Variants in EFCAB7 observed in about 807,000 individuals in gnomAD.
EFCAB7 encodes the protein EF-hand calcium binding domain 7.
In EFCAB7, 66 loss-of-function variants were observed where a neutral mutation model predicts 77.1. That is an observed-to-expected ratio of 0.86 (90% CI 0.70 to 1.05). The LOEUF (loss-of-function observed/expected upper bound fraction) is 1.05. Among genes scored for constraint, EFCAB7 ranks in the 50% least tolerant of loss-of-function variants. The pLI is 0.00. For synonymous variants in EFCAB7, 225 were observed against 243.3 expected (o/e 0.92, Z 0.70); for missense variants, 638 against 730.5 (o/e 0.87, Z 1.46).
At chr1:63,571,265 C>A in intron 13 of EFCAB7, 137 bp downstream of exon 13, 1 of 609,512 alleles carries the variant, frequency 1.6e-6, no homozygotes, top group Non-Finnish European at 2.9e-6. Flanking sequence ...CAGTATCATT[C>A]TATACTCAGA....
rs545193913 is a variant in EFCAB7, at chr1:63,526,954, G to A, written c.187+1195G>A. Among the ~76,000 whole-genome samples, 72 of 152,210 alleles carry A rather than the reference G, an allele frequency of 4.7e-4. 1 individual carries two copies. The highest frequency in any genetic ancestry group is 1.6e-3 in the African/African-American group (68 of 41,530). ...TAATTTTTGTATTTTTAGTAGAGACGGGGTTTTGCCATGTTGGCCAGGCTG... is the reference window on the plus strand; with the variant it reads ...TAATTTTTGTATTTTTAGTAGAGACAGGGTTTTGCCATGTTGGCCAGGCTG... On this transcript the variant is annotated intron_variant, in intron 2 of 13. Transcript: ENST00000371088.
chr1:63,572,428 A>G lies in EFCAB7; in HGVS notation c.1816-14A>G, dbSNP rs1570449383. 1 of 1,572,022 alleles carries G rather than the reference A, an allele frequency of 6.4e-7. No individual in the cohort carries two copies. Among genetic ancestry groups the G allele is most frequent in the Non-Finnish European group, 8.6e-7 (1 of 1,163,846 alleles). On this transcript the variant is annotated splice_polypyrimidine_tract_variant and intron_variant, in intron 13 of 13. Coordinates refer to ENST00000371088, the MANE Select transcript of EFCAB7 (RefSeq NM_032437.4). The stretch of plus-strand genomic sequence containing the variant: ...TATAAAAAGAGAGTAAAAGCTTTCT[A>G]TTTTTATGTGCAGGTTTGTCAACAT...
At chr1:63,578,441 C>G in the EFCAB7 span, among the ~76,000 whole-genome samples, 1 of 138,762 alleles carries the variant, frequency 7.2e-6, no homozygotes, top group Non-Finnish European at 1.5e-5. Context: ...GTACCTCTAA[C>G]ATACATTTTT....
intron 7 of EFCAB7, chr1:63,548,374 A>G (rs1646924595): frequency 6.6e-6 from 1 of 152,156 alleles, no homozygotes; most frequent in South Asian, 2.1e-4. Context: ...TCCATATATA[A>G]GGTCAAGATT....
the EFCAB7 span, among the ~76,000 whole-genome samples, chr1:63,584,730 A>G: frequency 2.0e-5 from 3 of 152,152 alleles, no homozygotes; most frequent in African/African-American, 7.2e-5. Flanking sequence ...CAGTAAATAT[A>G]TGTTCTCTTA....
At position 63,572,484 on chromosome 1, in the gene EFCAB7, A is replaced by G. The variant is rs1647292555; in HGVS notation, c.1858A>G (p.Ile620Val). The change falls in exon 14 of 14, where the codon ATA becomes GTA. Residue 620 changes from isoleucine (I) to valine (V), a missense_variant. By Grantham distance (29) the Ile-to-Val change is conservative. Coordinates refer to ENST00000371088, the MANE Select transcript of EFCAB7 (RefSeq NM_032437.4). Reference protein sequence around the residue: ...VMPLNERQEWIYYCIYSLIS With the variant: ...VMPLNERQEWVYYCIYSLIS ...GCCTTTGAATGAACGACAAGAATGG[A>G]TATATTATTGTATATATTCTCTTAT... 1 of 1,559,270 alleles carries G rather than the reference A, an allele frequency of 6.4e-7. No individual in the cohort carries two copies. The highest frequency in any genetic ancestry group is 8.7e-7 in the Non-Finnish European group (1 of 1,150,066).
chr1:63,565,232 G>A (rs967510814), intron 11 of EFCAB7, among the ~76,000 whole-genome samples: 4 of 152,048 alleles, frequency 2.6e-5, no homozygotes, highest in African/African-American at 9.7e-5. Flanking sequence ...GGTGGCAGGT[G>A]CCTGTAGTCC....
chr1:63,534,178 A>C lies in EFCAB7; in HGVS notation c.766A>C (p.Asn256His). The C allele has an allele frequency of 2.5e-6, 4 of 1,613,106 alleles. No homozygotes were observed. Among genetic ancestry groups the C allele is most frequent in the African/African-American group, 1.3e-5 (1 of 75,006 alleles). ...SFTVTMGANGNRNSKLMEPNL... is the reference protein window; with the variant it reads ...SFTVTMGANGHRNSKLMEPNL... Reference sequence around the variant, plus strand: ...CACAGTTACCATGGGGGCTAATGGTAACCGAAACTCAAAGTTAATGGAGCC... The same window carrying C: ...CACAGTTACCATGGGGGCTAATGGTCACCGAAACTCAAAGTTAATGGAGCC... The change falls in exon 6 of 14, where the codon AAC (asparagine) becomes CAC (histidine). Residue 256 changes from asparagine to histidine, a missense_variant. By Grantham distance (68) the Asn-to-His change is moderately conservative. Coordinates refer to ENST00000371088, the MANE Select transcript of EFCAB7 (RefSeq NM_032437.4).
chr1:63,568,247 CAT>C, intron 11 of EFCAB7, 61 bp from the exon 12 acceptor site: 11 of 1,360,674 alleles, frequency 8.1e-6, no homozygotes. Context: ...TATATGGTAA[CAT>C]ATTAATAATT....
At chr1:63,561,656 A>G in intron 10 of EFCAB7, 53 bp from the exon 11 acceptor site, 2 of 1,178,916 alleles carry the variant, frequency 1.7e-6, no homozygotes, top group South Asian at 1.8e-5. Flanking sequence ...ACATTTTATT[A>G]AAGTTATGAA....
chr1:63,579,187 C>T, the EFCAB7 span, among the ~76,000 whole-genome samples: 5 of 152,244 alleles, frequency 3.3e-5, no homozygotes, highest in East Asian at 7.7e-4. Context: ...TAAAAAACTC[C>T]CTCACGTTAT....
chr1:63,583,691 G>A, the EFCAB7 span, among the ~76,000 whole-genome samples: 3 of 152,058 alleles, frequency 2.0e-5, no homozygotes, highest in Admixed American at 6.6e-5. Flanking sequence ...ATATGAAGCC[G>A]AGATGGCCTT....
chr1:63,542,146 C>G (rs1243951799), intron 6 of EFCAB7, among the ~76,000 whole-genome samples: 2 of 152,072 alleles, frequency 1.3e-5, no homozygotes, highest in African/African-American at 4.8e-5. Flanking sequence ...TACTTTCTGT[C>G]TCTCTGAATT....
chr1:63,548,293 T>G (rs1646923531), intron 7 of EFCAB7: 1 of 152,254 alleles, frequency 6.6e-6, no homozygotes, highest in Non-Finnish European at 1.5e-5. Flanking sequence ...GGTTTCTTTT[T>G]GCCATAATTA....
rs61744574 is a variant in EFCAB7 at position 63,545,996 on chromosome 1, A to T, written c.885A>T (p.Gln295His). Residue 295 changes from glutamine to histidine, a missense_variant, in exon 7 of 14, where the codon CAA becomes CAT. By Grantham distance (24) the Gln-to-His change is conservative. Transcript: ENST00000371088. ...TCATTAGTCATCAGTACAGGATGCA[A>T]ATAGCTCAGAGGTCCATGGTTTATC... ...GEIISHQYRM[Q>H]IAQRSMVYLT... The T allele has an allele frequency of 9.9e-5, 159 of 1,613,870 alleles. No individual in the cohort carries two copies. The African/African-American group carries it at 2.0e-3, about 20-fold the overall frequency.
At chr1:63,551,908 G>A (rs530755663) in intron 8 of EFCAB7, 74 bp downstream of exon 8, 11 of 922,780 alleles carry the variant, frequency 1.2e-5, no homozygotes, top group South Asian at 1.1e-4. Context: ...GTATGTTTCT[G>A]TATTTTATTT....
chr1:63,530,539 T>A (rs1646677285), intron 2 of EFCAB7, among the ~76,000 whole-genome samples: 1 of 152,252 alleles, frequency 6.6e-6, no homozygotes, highest in African/African-American at 2.4e-5. Context: ...AACCATTTTA[T>A]TTTAGAGTGA....
Position 63,570,808 on chromosome 1 carries a change from C to T in EFCAB7, c.1708-213C>T, listed in dbSNP as rs1647235333. The T allele has an allele frequency of 2.5e-5, 9 of 356,878 alleles. No individual in the cohort carries two copies. The East Asian group carries it at 4.2e-4, about 17-fold the overall frequency. 22.1% of individuals were successfully genotyped at this position (356,878 alleles called of 1,614,324 possible). A position where few individuals can be genotyped will look rare whatever the true frequency, so the allele number is the denominator to read the frequency against. On this transcript the variant is annotated intron_variant, in intron 12 of 13. Transcript: ENST00000371088. Reference sequence around the variant, plus strand: ...GATTAAAAGGTAAGTAAGTTTAAGTCACATTTAAAAGAAAAAGTTTATATA... The same window carrying T: ...GATTAAAAGGTAAGTAAGTTTAAGTTACATTTAAAAGAAAAAGTTTATATA...
chr1:63,551,516 G>C (rs1471483503), intron 7 of EFCAB7, among the ~76,000 whole-genome samples: 1 of 152,040 alleles, frequency 6.6e-6, no homozygotes, highest in African/African-American at 2.4e-5. Context: ...GCTTGAACCC[G>C]GGAGGTGGAG....
Sources: allele counts gnomAD v4.1 joint callset (sites outside exome capture counted in the v4.1 genomes callset), GRCh38; gene constraint gnomAD v4.1.1; transcripts MANE v1.5; gene names NCBI Gene and HGNC (gene_info 2026-07-23, HGNC 2026-07-21).